The following DAB1 variants were observed in gnomAD, a reference collection of about 807,000 sequenced individuals.
The protein encoded by DAB1 is disabled homolog 1.
DAB1 carries 15 observed loss-of-function variants against 64.6 expected under a neutral mutation model. The ratio of observed to expected loss-of-function variants is 0.23; its 90% CI spans 0.16 to 0.36. The LOEUF is 0.36. DAB1 is among the 10% of genes least tolerant of loss of function. The pLI is 1.00. For synonymous variants in DAB1, 235 were observed against 251.9 expected, an observed-to-expected ratio of 0.93 and a Z score of 0.64; for missense variants, 596 against 706.7, an observed-to-expected ratio of 0.84 and a Z score of 1.78.
Position 57,554,582 on chromosome 1 carries a change from C to CA in DAB1, n.625+95009dup, listed in dbSNP as rs1257562183. On this transcript the variant is annotated intron_variant and non_coding_transcript_variant, in intron 7 of 20. Coordinates refer to the DAB1 transcript ENST00000485760. Reference sequence around the variant, plus strand: ...CCCAATCATGTTGCCTTTGCTAATACAAAAAAATGCGTTTTGAATTCCAAA... The same window carrying CA: ...CCCAATCATGTTGCCTTTGCTAATACAAAAAAAATGCGTTTTGAATTCCAAA... Among the ~76,000 whole-genome samples the CA allele has an allele frequency of 6.6e-5, 10 of 152,252 alleles. No homozygotes were observed. The East Asian group carries it at 7.7e-4, about 12-fold the overall frequency.
intron 1 of DAB1, chr1:57,880,911 A>G (rs923734822): frequency 2.6e-5 from 4 of 152,184 alleles, no homozygotes; most frequent in Non-Finnish European, 5.9e-5. Flanking sequence ...AAAAACCTCT[A>G]TTTTACTTGT....
intron 2 of DAB1, among the ~76,000 whole-genome samples, chr1:57,254,452 C>T (rs1021237855): frequency 3.4e-4 from 52 of 152,196 alleles, no homozygotes; most frequent in African/African-American, 1.3e-3. Flanking sequence ...GTGTGAAATG[C>T]CTTTATCACA....
chr1:58,055,472 T>C (rs1304009084), intron 5 of DAB1, among the ~76,000 whole-genome samples: 1 of 152,212 alleles, frequency 6.6e-6, no homozygotes, highest in Non-Finnish European at 1.5e-5. Context: ...TTTTCCGCTT[T>C]GTTTTTATCC....
At chr1:57,523,938 AAG>A (rs1644561485) in intron 7 of DAB1, among the ~76,000 whole-genome samples, 1 of 152,180 alleles carries the variant, frequency 6.6e-6, no homozygotes, top group African/African-American at 2.4e-5. Context: ...AAAAAAGAAA[AAG>A]AAACAAAAAA....
chr1:57,322,299 C>T (rs1006785040), intron 1 of DAB1, among the ~76,000 whole-genome samples: 6 of 152,110 alleles, frequency 3.9e-5, no homozygotes, highest in Admixed American at 1.3e-4. Flanking sequence ...CTTCCATTAA[C>T]GCATTACAAA....
At chr1:57,162,324 G>A (rs530170187) in intron 2 of DAB1, among the ~76,000 whole-genome samples, 6 of 152,318 alleles carry the variant, frequency 3.9e-5, no homozygotes, top group Non-Finnish European at 7.3e-5. Context: ...AAGAATGCCC[G>A]TAAGCTCTGG....
intron 6 of DAB1, among the ~76,000 whole-genome samples, chr1:57,766,194 A>C (rs544067335): frequency 6.6e-6 from 1 of 151,964 alleles, no homozygotes; most frequent in East Asian, 1.9e-4. Flanking sequence ...GATTGTTATA[A>C]TAGTTACCTG....
intron 4 of DAB1, among the ~76,000 whole-genome samples, chr1:58,214,715 T>G (rs894770804): frequency 1.3e-5 from 2 of 152,172 alleles, no homozygotes; most frequent in African/African-American, 4.8e-5. Flanking sequence ...GCAGTAGGCT[T>G]GTAGAAACAA....
intron 4 of DAB1, among the ~76,000 whole-genome samples, chr1:58,212,244 G>C (rs3850537): frequency 0.76 from 115,169 of 152,124 alleles, 45,164 homozygotes; most frequent in South Asian, 0.88. Flanking sequence ...CACTAGGTGC[G>C]AAGTACTATA....
intron 14 of DAB1, among the ~76,000 whole-genome samples, chr1:57,006,358 C>T (rs774676618): frequency 1.3e-5 from 2 of 152,216 alleles, no homozygotes; most frequent in Non-Finnish European, 2.9e-5. Context: ...TCTGCTCAAA[C>T]ATGCTGCTTG....
At chr1:58,481,802 C>T (rs1172278429) in intron 3 of DAB1, among the ~76,000 whole-genome samples, 1 of 152,094 alleles carries the variant, frequency 6.6e-6, no homozygotes, top group Non-Finnish European at 1.5e-5. Flanking sequence ...AGGGCAGTTC[C>T]CCCTGCATAT....
At chr1:57,722,949 G>T (rs1647168756) in intron 6 of DAB1, among the ~76,000 whole-genome samples, 1 of 152,124 alleles carries the variant, frequency 6.6e-6, no homozygotes. Flanking sequence ...AGACAACCTT[G>T]TCAGAGGGAT....
At chr1:58,027,570 G>C (rs180919879) in intron 5 of DAB1, among the ~76,000 whole-genome samples, 2 of 152,136 alleles carry the variant, frequency 1.3e-5, no homozygotes, top group African/African-American at 4.8e-5. Context: ...ATTCTCAAAA[G>C]TTTGGGGCTC....
intron 2 of DAB1, among the ~76,000 whole-genome samples, chr1:58,526,570 G>C (rs1646352510): frequency 7.4e-6 from 1 of 134,824 alleles, no homozygotes; most frequent in Admixed American, 7.6e-5. Flanking sequence ...TTAAATAAAA[G>C]TAAAGGCCCA....
chr1:57,401,069 G>T (rs1008883171), intron 1 of DAB1, among the ~76,000 whole-genome samples: 1 of 151,226 alleles, frequency 6.6e-6, no homozygotes, highest in Admixed American at 6.6e-5. Context: ...GCACAGCACG[G>T]TCCTACCATA....
At chr1:58,483,157 G>A (rs1451131399) in intron 3 of DAB1, among the ~76,000 whole-genome samples, 1 of 152,118 alleles carries the variant, frequency 6.6e-6, no homozygotes, top group South Asian at 2.1e-4. Flanking sequence ...CCACTAGCCT[G>A]CCATCTGCCC....
At chr1:57,446,035 A>T (rs191214711) in intron 7 of DAB1, among the ~76,000 whole-genome samples, 5 of 152,120 alleles carry the variant, frequency 3.3e-5, no homozygotes, top group Non-Finnish European at 7.4e-5. Flanking sequence ...TATTTATTTC[A>T]CCCATCCAAT....
At chr1:57,121,906 T>TA (rs113279762) in intron 4 of DAB1, among the ~76,000 whole-genome samples, 37 of 147,978 alleles carry the variant, frequency 2.5e-4, no homozygotes, top group East Asian at 5.9e-4. Context: ...AACTTAAAGT[T>TA]AAAAAAAAAA....
intron 4 of DAB1, among the ~76,000 whole-genome samples, chr1:57,125,294 A>G (rs1172382961): frequency 6.6e-6 from 1 of 152,188 alleles, no homozygotes; most frequent in Non-Finnish European, 1.5e-5. Flanking sequence ...AGGGCACAGG[A>G]TAAATGAAAG....
Sources: gnomAD v4.1 joint callset for allele counts (sites outside exome capture counted in the v4.1 genomes callset) on GRCh38, gnomAD v4.1.1 for gene constraint, MANE v1.5 for transcripts, NCBI Gene and HGNC (gene_info 2026-07-23, HGNC 2026-07-21) for gene names.